The following UBAP2 variants were observed in gnomAD, a reference collection of about 807,000 sequenced individuals.
The protein encoded by UBAP2 is ubiquitin-associated protein 2.
UBAP2 carries 75 observed loss-of-function variants against 139.6 expected under a neutral mutation model. The ratio of observed to expected loss-of-function variants is 0.54; its 90% CI spans 0.45 to 0.65. The LOEUF (loss-of-function observed/expected upper bound fraction) is 0.65. Among genes scored for constraint, UBAP2 ranks in the 30% least tolerant of loss-of-function variants. The pLI is 0.00. For missense variants in UBAP2, 1,368 were observed against 1,369.6 expected (o/e 1.00, Z 0.02); for synonymous variants, 526 against 526.2 (o/e 1.00, Z 0.01).
At chr9:34,049,085 G>A (rs967094887), upstream of UBAP2, 1 of 152,292 alleles carries the variant, frequency 6.6e-6, no homozygotes, top group Admixed American at 6.5e-5. Context: ...CCACAGAAAG[G>A]AACAAATAAG....
intron 13 of UBAP2, among the ~76,000 whole-genome samples, chr9:33,947,981 C>CAAA (rs34296980): frequency 1.5e-4 from 12 of 80,610 alleles, no homozygotes; most frequent in South Asian, 4.2e-4. Context: ...GACCCCATCT[C>CAAA]AAAAAAAAAA....
intron 12 of UBAP2, among the ~76,000 whole-genome samples, chr9:33,949,715 GCGCGCATGCA>G (rs1825942719): frequency 6.6e-6 from 1 of 152,026 alleles, no homozygotes; most frequent in African/African-American, 2.4e-5. Context: ...ATGTGTGTGT[GCGCGCATGCA>G]CGCGCACACA....
chr9:34,037,997 C>CAAAAA, intron 1 of UBAP2, among the ~76,000 whole-genome samples: 1 of 87,362 alleles, frequency 1.1e-5, no homozygotes, highest in South Asian at 3.7e-4. Context: ...CCTGTCTCTA[C>CAAAAA]AAAAAAAAAA....
At position 34,029,785 on chromosome 9, in the gene UBAP2, C is replaced by T. The variant is rs111930223; in HGVS notation, c.-41-12596G>A. 3.5e-3 allele frequency among the ~76,000 whole-genome samples: 519 copies of T among 149,498 alleles called. 5 individuals carry two copies. Among genetic ancestry groups the T allele is most frequent in the African/African-American group, 0.012 (486 of 40,628 alleles). On this transcript the variant is annotated intron_variant, in intron 1 of 28. Transcript: ENST00000379238. Reference sequence around the variant, plus strand: ...CAGGTGGATCATGAGATCAGGAGTTCGAGATCAGCCTGGCCAACATGGTGA... The same window carrying T: ...CAGGTGGATCATGAGATCAGGAGTTTGAGATCAGCCTGGCCAACATGGTGA...
At chr9:33,939,293 T>C (rs1464853918) in intron 16 of UBAP2, among the ~76,000 whole-genome samples, 1 of 145,926 alleles carries the variant, frequency 6.9e-6, no homozygotes, top group African/African-American at 2.6e-5. Context: ...GCCTCCCAGG[T>C]TCAAGCGATT....
At position 34,041,701 on chromosome 9, in the gene UBAP2, G is replaced by A. The variant is rs1233823601; in HGVS notation, c.-42+7124C>T. Among the ~76,000 whole-genome samples, 6 of 152,156 alleles carry A rather than the reference G, an allele frequency of 3.9e-5. No individual in the cohort carries two copies. In the South Asian group the frequency reaches 8.3e-4, roughly 21 times the overall value. Reference sequence around the variant, plus strand: ...AGCCTGGGCAAAAGAGCAAGACTCCGTCTTATAAAACAAAACAAAGAAAAA... The same window carrying A: ...AGCCTGGGCAAAAGAGCAAGACTCCATCTTATAAAACAAAACAAAGAAAAA... On this transcript the variant is annotated intron_variant, in intron 1 of 28. Transcript: ENST00000379238.
rs1587717246 is a variant in UBAP2 at position 34,048,850 on chromosome 9, A to C, written c.-67T>G. 1 of 152,158 alleles carries C rather than the reference A, an allele frequency of 6.6e-6. No individual in the cohort carries two copies. 9.4% of individuals were successfully genotyped at this position (152,158 alleles called of 1,614,324 possible). A position where few individuals can be genotyped will look rare whatever the true frequency, so the allele number is the denominator to read the frequency against. ...CGCTGCTGCTCTCGGAGGACCCAAG[A>C]CCCGCTGCCGCCGCCGCCGCTCGTT... On this transcript the variant is annotated 5_prime_UTR_variant, in exon 1 of 29. Coordinates refer to ENST00000379238, the MANE Select transcript of UBAP2 (RefSeq NM_001370062.2).
Position 33,922,857 on chromosome 9 carries a change from G to C in UBAP2, c.3094C>G (p.His1032Asp). 6.3e-7 allele frequency: 1 copy of C among 1,589,906 alleles called. No homozygotes were observed. The change falls in exon 28 of 29, where the codon CAT (histidine) becomes GAT (aspartate). Residue 1032 changes from histidine to aspartate, a missense_variant. His to Asp is a moderately conservative substitution (Grantham distance 81). Transcript: ENST00000379238. Reference sequence around the variant, plus strand: ...CTGAAAGGTGGAGGCGTCCCTGCATGAAATCCCTGCTTGTCAAAAGTCTAC... The same window carrying C: ...CTGAAAGGTGGAGGCGTCCCTGCATCAAATCCCTGCTTGTCAAAAGTCTAC... ...KTQTFDKQGFHAGTPPPFSLP... is the reference protein window; with the variant it reads ...KTQTFDKQGFDAGTPPPFSLP...
At position 33,981,780 on chromosome 9, in the gene UBAP2, T is replaced by TAGGA. The variant is rs972167715; in HGVS notation, c.520+4976_520+4979dup. On this transcript the variant is annotated intron_variant, in intron 6 of 28. Coordinates refer to ENST00000379238, the MANE Select transcript of UBAP2 (RefSeq NM_001370062.2). Reference sequence around the variant, plus strand: ...GAAGGTAGGTAGGTAGGTAGGAAGGTAGGAAGGAAGGAAGGAAGGAAGGAA... The same window carrying TAGGA: ...GAAGGTAGGTAGGTAGGTAGGAAGGTAGGAAGGAAGGAAGGAAGGAAGGAAGGAA... 5.7e-3 allele frequency among the ~76,000 whole-genome samples: 659 copies of TAGGA among 114,822 alleles called. 10 individuals are homozygous for TAGGA. Among genetic ancestry groups the TAGGA allele is most frequent in the African/African-American group, 0.014 (411 of 28,450 alleles). 75.3% of individuals were successfully genotyped at this position (114,822 alleles called of 152,430 possible).
rs997681003 is a variant in UBAP2 at position 33,976,691 on chromosome 9, T to C, written c.521-3454A>G. ...GGATGAAATGTATGGTATGTAAATT[T>C]TGTAAAGAATATTTTCTTTCTTAGG... is the stretch of plus-strand genomic sequence containing the variant. On this transcript the variant is annotated intron_variant, in intron 6 of 28. Transcript: ENST00000379238. 3.9e-5 allele frequency among the ~76,000 whole-genome samples: 6 copies of C among 152,196 alleles called. No homozygotes were observed. The East Asian group carries it at 1.2e-3, about 29-fold the overall frequency.
At chr9:33,983,245 A>G (rs1449005479) in intron 6 of UBAP2, among the ~76,000 whole-genome samples, 2 of 152,120 alleles carry the variant, frequency 1.3e-5, no homozygotes, top group African/African-American at 2.4e-5. Context: ...TGTAATCCTT[A>G]AACATGTCTC....
At chr9:34,028,589 A>C (rs1196472662) in intron 1 of UBAP2, among the ~76,000 whole-genome samples, 6 of 151,918 alleles carry the variant, frequency 3.9e-5, no homozygotes, top group Non-Finnish European at 8.8e-5. Flanking sequence ...CATGTTGGCC[A>C]GGCTGGTCTC....
chr9:33,970,084 T>C (rs1175783131), intron 8 of UBAP2, among the ~76,000 whole-genome samples: 1 of 150,720 alleles, frequency 6.6e-6, no homozygotes, highest in East Asian at 2.0e-4. Flanking sequence ...CATATGATAC[T>C]ATGCCCGGCT....
intron 8 of UBAP2, chr9:33,968,226 A>C: frequency 3.2e-6 from 2 of 620,532 alleles, no homozygotes; most frequent in Admixed American, 3.7e-5. Context: ...ATGAAACCTA[A>C]ACCCTCCATT....
intron 11 of UBAP2, among the ~76,000 whole-genome samples, chr9:33,954,186 C>T (rs1381898817): frequency 2.6e-5 from 4 of 151,342 alleles, no homozygotes; most frequent in South Asian, 2.1e-4. Flanking sequence ...GAATTACAGG[C>T]GTGAGCCACC....
intron 1 of UBAP2, among the ~76,000 whole-genome samples, chr9:34,036,239 C>T (rs375195308): frequency 3.2e-4 from 49 of 151,968 alleles, no homozygotes; most frequent in African/African-American, 1.1e-3. Context: ...TCCTCAGCCT[C>T]CCAAGTAGCT....
chr9:33,984,171 T>C (rs1210422851), intron 6 of UBAP2, among the ~76,000 whole-genome samples: 4 of 151,658 alleles, frequency 2.6e-5, no homozygotes, highest in African/African-American at 9.7e-5. Flanking sequence ...CCCAAAGTGC[T>C]GGGATTACAG....
At chr9:33,938,784 A>G in intron 16 of UBAP2, 1 of 384,720 alleles carries the variant, frequency 2.6e-6, no homozygotes, top group Non-Finnish European at 4.9e-6. Context: ...CAACAGAGCA[A>G]GACTCCATCT....
rs536311518 is a variant in UBAP2 at position 33,957,709 on chromosome 9, A to C, written c.799-1563T>G. On this transcript the variant is annotated intron_variant, in intron 10 of 28. Coordinates refer to ENST00000379238, the MANE Select transcript of UBAP2 (RefSeq NM_001370062.2). ...TGGAAAATGTTGATCTAATGAGGTA[A>C]CACGGAAAACATAAAAATGCTACTC... Among the ~76,000 whole-genome samples the C allele has an allele frequency of 8.5e-5, 13 of 152,314 alleles. No homozygotes were observed. In the East Asian group the frequency reaches 1.3e-3, roughly 16 times the overall value.
Sources: gnomAD v4.1 joint callset for allele counts (sites outside exome capture counted in the v4.1 genomes callset) on GRCh38, gnomAD v4.1.1 for gene constraint, MANE v1.5 for transcripts, NCBI Gene and HGNC (gene_info 2026-07-23, HGNC 2026-07-21) for gene names.